The following SAMMSON variants were observed in gnomAD, a reference collection of about 807,000 sequenced individuals.
SAMMSON encodes the protein survival associated mitochondrial melanoma specific oncogenic non-coding RNA.
At chr3:70,384,442 C>T (rs1282106701) in intron 9 of SAMMSON, among the ~76,000 whole-genome samples, 1 of 151,942 alleles carries the variant, frequency 6.6e-6, no homozygotes, top group Non-Finnish European at 1.5e-5. Flanking sequence ...TATAGTCAAT[C>T]CGATGACTTG....
chr3:70,433,789 CTTGAG>C (rs2106781392), intron 2 of SAMMSON, among the ~76,000 whole-genome samples: 1 of 152,172 alleles, frequency 6.6e-6, no homozygotes, highest in African/African-American at 2.4e-5. Flanking sequence ...GCCTGTAAGT[CTTGAG>C]TTAATTTTGA....
chr3:70,003,823 G>A (rs950841295), intron 1 of SAMMSON, among the ~76,000 whole-genome samples: 1 of 151,816 alleles, frequency 6.6e-6, no homozygotes, highest in African/African-American at 2.4e-5. Context: ...AGTATCTGGT[G>A]ACAAATTCTT....
At chr3:70,324,087 G>T (rs1338276978) in intron 7 of SAMMSON, among the ~76,000 whole-genome samples, 1 of 152,066 alleles carries the variant, frequency 6.6e-6, no homozygotes, top group Non-Finnish European at 1.5e-5. Context: ...CAGCCCTACA[G>T]GGACTGTTTA....
At chr3:70,129,437 C>T (rs917664399) in intron 4 of SAMMSON, among the ~76,000 whole-genome samples, 4 of 152,022 alleles carry the variant, frequency 2.6e-5, no homozygotes, top group Admixed American at 6.6e-5. Context: ...GGAAAACATT[C>T]GAGTATCTTT....
intron 4 of SAMMSON, among the ~76,000 whole-genome samples, chr3:70,211,069 T>G (rs1403409064): frequency 6.6e-6 from 1 of 152,152 alleles, no homozygotes; most frequent in African/African-American, 2.4e-5. Context: ...TGCATCCATG[T>G]TTTCTCTCAT....
intron 4 of SAMMSON, among the ~76,000 whole-genome samples, chr3:70,121,419 C>T (rs1017324185): frequency 3.3e-5 from 5 of 152,064 alleles, no homozygotes; most frequent in African/African-American, 9.7e-5. Context: ...TTGAAATGGG[C>T]CCATACTGTA....
chr3:70,391,956 C>CA (rs1371890826), downstream of SAMMSON, among the ~76,000 whole-genome samples: 1 of 152,076 alleles, frequency 6.6e-6, no homozygotes, highest in Admixed American at 6.6e-5. Context: ...GCCAAATACT[C>CA]ACATGTTATG....
intron 7 of SAMMSON, among the ~76,000 whole-genome samples, chr3:70,299,240 G>T (rs1015112983): frequency 6.6e-6 from 1 of 151,990 alleles, no homozygotes; most frequent in African/African-American, 2.4e-5. Flanking sequence ...CTAGAAAGGT[G>T]TTCACATTTA....
At chr3:70,220,069 T>A (rs6804800) in intron 4 of SAMMSON, among the ~76,000 whole-genome samples, 13 of 152,012 alleles carry the variant, frequency 8.6e-5, no homozygotes, top group Non-Finnish European at 1.9e-4. Context: ...CAAGGAAAAC[T>A]AGATCAAATG....
At chr3:70,213,064 C>T (rs1015630401) in intron 4 of SAMMSON, among the ~76,000 whole-genome samples, 1 of 152,094 alleles carries the variant, frequency 6.6e-6, no homozygotes, top group South Asian at 2.1e-4. Context: ...CTGCCTTGGC[C>T]TCCCAAAGTG....
At chr3:70,171,615 T>TG (rs10714233) in intron 4 of SAMMSON, among the ~76,000 whole-genome samples, 111 of 151,558 alleles carry the variant, frequency 7.3e-4, no homozygotes, top group African/African-American at 2.6e-3. Context: ...GCACAGTCTT[T>TG]GGGGGGGGGA....
At chr3:70,131,480 A>G (rs763630336) in intron 4 of SAMMSON, among the ~76,000 whole-genome samples, 30 of 152,216 alleles carry the variant, frequency 2.0e-4, no homozygotes, top group Admixed American at 5.2e-4. Flanking sequence ...TGTCTGGGGC[A>G]GGGTGAATAC....
At chr3:70,045,424 C>A (rs1279029052) in intron 3 of SAMMSON, among the ~76,000 whole-genome samples, 1 of 151,368 alleles carries the variant, frequency 6.6e-6, no homozygotes, top group Non-Finnish European at 1.5e-5. Context: ...GAATCAATCT[C>A]TTTTAAAAGC....
intron 7 of SAMMSON, among the ~76,000 whole-genome samples, chr3:70,318,398 T>C (rs911037578): frequency 1.3e-5 from 2 of 152,018 alleles, no homozygotes; most frequent in African/African-American, 4.8e-5. Flanking sequence ...GTTGCCAATC[T>C]ACCATTAAGG....
intron 4 of SAMMSON, among the ~76,000 whole-genome samples, chr3:70,193,728 G>A (rs1701149440): frequency 6.6e-6 from 1 of 152,050 alleles, no homozygotes; most frequent in African/African-American, 2.4e-5. Context: ...TATTTGATGG[G>A]CAAAATTCTT....
At chr3:70,378,355 T>G (rs1703038038) in intron 9 of SAMMSON, among the ~76,000 whole-genome samples, 1 of 151,894 alleles carries the variant, frequency 6.6e-6, no homozygotes, top group Non-Finnish European at 1.5e-5. Flanking sequence ...AAGCTAGCTG[T>G]AGAGAAATGT....
chr3:70,021,955 T>C (rs1480327917), intron 3 of SAMMSON, among the ~76,000 whole-genome samples: 1 of 152,120 alleles, frequency 6.6e-6, no homozygotes, highest in African/African-American at 2.4e-5. Context: ...GTAGTTCTTA[T>C]CAAGGGGAAG....
intron 4 of SAMMSON, among the ~76,000 whole-genome samples, chr3:70,134,485 G>A (rs2067497914): frequency 6.6e-6 from 1 of 151,528 alleles, no homozygotes; most frequent in Non-Finnish European, 1.5e-5. Flanking sequence ...ATATTTGCCA[G>A]CCAAATAAAA....
At chr3:70,019,899 A>T (rs1170688528) in intron 3 of SAMMSON, among the ~76,000 whole-genome samples, 2 of 152,160 alleles carry the variant, frequency 1.3e-5, no homozygotes, top group Non-Finnish European at 2.9e-5. Context: ...TGTCACACTT[A>T]TTGGCAACTT....
Sources: gnomAD v4.1 joint callset for allele counts (sites outside exome capture counted in the v4.1 genomes callset) on GRCh38, gnomAD v4.1.1 for gene constraint, MANE v1.5 for transcripts, NCBI Gene and HGNC (gene_info 2026-07-23, HGNC 2026-07-21) for gene names.